GSG1L: variants seen among roughly 807,000 people sequenced by gnomAD.
GSG1L encodes germ cell-specific gene 1-like protein.
A neutral mutation model predicts 42.1 loss-of-function variants in GSG1L; 24 were observed. The observed-to-expected ratio is 0.57, with a 90% CI of 0.41 to 0.80. The LOEUF (loss-of-function observed/expected upper bound fraction) is 0.80. GSG1L is among the 30% of genes least tolerant of loss of function. GSG1L has a pLI of 0.00. For missense variants in GSG1L, 445 were observed against 472.2 expected, an observed-to-expected ratio of 0.94 and a Z score of 0.53; for synonymous variants, 215 against 203.5, an observed-to-expected ratio of 1.06 and a Z score of -0.48.
intron 2 of GSG1L, among the ~76,000 whole-genome samples, chr16:27,927,105 T>C (rs1195466583): frequency 2.0e-5 from 3 of 152,186 alleles, no homozygotes; most frequent in African/African-American, 4.8e-5. Flanking sequence ...CCCTCCAATC[T>C]ACTCCCAACG....
At chr16:27,958,361 T>C (rs1046516419) in intron 2 of GSG1L, among the ~76,000 whole-genome samples, 1 of 144,306 alleles carries the variant, frequency 6.9e-6, no homozygotes, top group Non-Finnish European at 1.5e-5. Flanking sequence ...GCCGAGATCA[T>C]GCCACTGCAC....
Position 27,807,486 on chromosome 16 carries a change from C to A in GSG1L, c.898+1G>T. 3 of 1,612,012 alleles carry A rather than the reference C, an allele frequency of 1.9e-6. No individual in the cohort carries two copies. The highest frequency in any genetic ancestry group is 2.5e-6 in the Non-Finnish European group (3 of 1,178,876). ...CAGATACCCACAAACAGGCCACTTA[C>A]GGGCAGGGTATCTCTCGTGGCGGCA... On this transcript the variant is annotated splice_donor_variant, in intron 6 of 6. Coordinates refer to ENST00000447459, the MANE Select transcript of GSG1L (RefSeq NM_001109763.2). LOFTEE classifies it high-confidence loss of function.
intron 2 of GSG1L, among the ~76,000 whole-genome samples, chr16:27,940,856 TAATAAAATAA>T (rs373411759): frequency 0.055 from 8,179 of 149,832 alleles, 298 homozygotes; most frequent in African/African-American, 0.1. Flanking sequence ...AGTATAATAA[TAATAAAATAA>T]AATAAAATAA....
At chr16:27,890,422 T>A (rs1258467687) in intron 2 of GSG1L, among the ~76,000 whole-genome samples, 1 of 151,632 alleles carries the variant, frequency 6.6e-6, no homozygotes. Context: ...GAGAGGAGAG[T>A]GAAGAATGGA....
chr16:27,959,810 C>T (rs2085049426), intron 2 of GSG1L, among the ~76,000 whole-genome samples: 1 of 151,988 alleles, frequency 6.6e-6, no homozygotes, highest in African/African-American at 2.4e-5. Context: ...CATTCAGGTA[C>T]CAAGCAAATC....
At chr16:27,863,618 C>G (rs1253862248) in intron 3 of GSG1L, among the ~76,000 whole-genome samples, 1 of 152,226 alleles carries the variant, frequency 6.6e-6, no homozygotes. Flanking sequence ...AAATGTGTCA[C>G]TGATATCCCA....
chr16:27,930,141 C>T (rs1337489204), intron 2 of GSG1L, among the ~76,000 whole-genome samples: 1 of 151,868 alleles, frequency 6.6e-6, no homozygotes, highest in African/African-American at 2.4e-5. Context: ...CATCTTAGTC[C>T]CAGCTTGCTC....
intron 5 of GSG1L, among the ~76,000 whole-genome samples, chr16:27,819,020 C>T (rs912037774): frequency 5.3e-5 from 8 of 152,180 alleles, no homozygotes; most frequent in East Asian, 1.9e-4. Context: ...GAGGCCGAGG[C>T]GAGTGGATCA....
intron 1 of GSG1L, among the ~76,000 whole-genome samples, chr16:27,994,053 T>G (rs1217326826): frequency 1.2e-5 from 1 of 85,902 alleles, no homozygotes; most frequent in Non-Finnish European, 2.2e-5. Flanking sequence ...CTTTCTTCTT[T>G]TGCTTGTTAA....
intron 3 of GSG1L, among the ~76,000 whole-genome samples, chr16:27,879,678 G>T (rs1185093134): frequency 6.6e-6 from 1 of 151,852 alleles, no homozygotes; most frequent in Non-Finnish European, 1.5e-5. Context: ...TAACCTACAT[G>T]CATCCTCCTG....
At chr16:27,993,741 T>C (rs2085480040) in intron 1 of GSG1L, among the ~76,000 whole-genome samples, 1 of 152,168 alleles carries the variant, frequency 6.6e-6, no homozygotes, top group Non-Finnish European at 1.5e-5. Context: ...AACTTGCACA[T>C]GGGGGCTTGC....
chr16:27,950,888 G>A (rs527734464), intron 2 of GSG1L, among the ~76,000 whole-genome samples: 2 of 152,244 alleles, frequency 1.3e-5, no homozygotes, highest in South Asian at 4.1e-4. Flanking sequence ...CCAACATGGC[G>A]CTCCTCCACT....
chr16:27,865,450 G>T (rs2083702714), intron 3 of GSG1L, among the ~76,000 whole-genome samples: 1 of 150,162 alleles, frequency 6.7e-6, no homozygotes, highest in Admixed American at 6.7e-5. Flanking sequence ...GGTGGGGAGT[G>T]GAGGTGGAAG....
intron 2 of GSG1L, among the ~76,000 whole-genome samples, chr16:27,901,381 C>T (rs917564999): frequency 6.6e-6 from 1 of 152,164 alleles, no homozygotes; most frequent in Admixed American, 6.5e-5. Flanking sequence ...GAGGAAGATG[C>T]CAATGGCCAG....
chr16:27,857,129 T>C (rs924229459), intron 3 of GSG1L, among the ~76,000 whole-genome samples: 2 of 152,152 alleles, frequency 1.3e-5, no homozygotes, highest in African/African-American at 4.8e-5. Flanking sequence ...GCTTGCATGA[T>C]GAAAGGCATG....
chr16:27,869,925 ATC>A (rs575549218), intron 3 of GSG1L, among the ~76,000 whole-genome samples: 1 of 28,718 alleles, frequency 3.5e-5, no homozygotes, highest in Admixed American at 3.4e-4. Context: ...GTCTCCCTCC[ATC>A]TCTCTCTGTC....
intron 1 of GSG1L, among the ~76,000 whole-genome samples, chr16:28,000,784 C>A (rs2085571517): frequency 6.6e-6 from 1 of 152,128 alleles, no homozygotes. Context: ...CTCCTCTCCT[C>A]CTCCTACAAC....
intron 1 of GSG1L, among the ~76,000 whole-genome samples, chr16:28,056,797 G>T (rs1379041156): frequency 6.6e-6 from 1 of 152,012 alleles, no homozygotes; most frequent in East Asian, 1.9e-4. Flanking sequence ...GTCCCAGCAG[G>T]GAGATGGATG....
intron 1 of GSG1L, among the ~76,000 whole-genome samples, chr16:27,996,449 T>G (rs923059380): frequency 9.2e-5 from 14 of 152,110 alleles, no homozygotes; most frequent in Admixed American, 6.6e-5. Flanking sequence ...TTCCATTAAT[T>G]AAATAAGAAA....
Sources: gnomAD v4.1 joint callset for allele counts (sites outside exome capture counted in the v4.1 genomes callset) on GRCh38, gnomAD v4.1.1 for gene constraint, MANE v1.5 for transcripts, NCBI Gene and HGNC (gene_info 2026-07-23, HGNC 2026-07-21) for gene names.